TNR: variants seen among roughly 807,000 people sequenced by gnomAD.
The protein encoded by TNR is tenascin R.
Under a neutral mutation model 150.4 loss-of-function variants are expected in TNR, and 45 were observed. That is an observed-to-expected ratio of 0.30 (90% CI 0.24 to 0.38). The LOEUF is 0.38. TNR is among the 10% of genes least tolerant of loss of function. TNR has a pLI of 1.00. For synonymous variants in TNR, 687 were observed against 678.4 expected (o/e 1.01, Z -0.20); for missense variants, 1,544 against 1,759.1 (o/e 0.88, Z 2.19).
intron 1 of TNR, among the ~76,000 whole-genome samples, chr1:175,690,210 T>A (rs551706822): frequency 1.3e-5 from 2 of 152,342 alleles, no homozygotes; most frequent in South Asian, 2.1e-4. Flanking sequence ...AAATTTTGAT[T>A]TGAGTACCTA....
intron 1 of TNR, among the ~76,000 whole-genome samples, chr1:175,729,103 CTA>C (rs2101951527): frequency 6.6e-6 from 1 of 152,242 alleles, no homozygotes; most frequent in East Asian, 1.9e-4. Context: ...CCCTCATATC[CTA>C]TGTGTGGCTA....
At chr1:175,417,055 G>GAAAT (rs1232273551) in intron 2 of TNR, among the ~76,000 whole-genome samples, 4 of 103,812 alleles carry the variant, frequency 3.9e-5, no homozygotes, top group African/African-American at 1.3e-4. Context: ...AAGAAAGAAA[G>GAAAT]AAAGAAAGAA....
intron 2 of TNR, among the ~76,000 whole-genome samples, chr1:175,423,608 TG>T (rs970683507): frequency 3.9e-5 from 6 of 152,180 alleles, no homozygotes; most frequent in African/African-American, 1.2e-4. Context: ...CTGTGTTGTG[TG>T]GTCCCTGAAA....
At chr1:175,593,972 C>T (rs924390439) in intron 1 of TNR, among the ~76,000 whole-genome samples, 5 of 152,266 alleles carry the variant, frequency 3.3e-5, no homozygotes, top group Non-Finnish European at 2.9e-5. Context: ...CATAAAAAGC[C>T]ACATGGTAGA....
intron 2 of TNR, among the ~76,000 whole-genome samples, chr1:175,507,661 C>A (rs981760676): frequency 6.6e-6 from 1 of 152,190 alleles, no homozygotes; most frequent in Non-Finnish European, 1.5e-5. Flanking sequence ...CATGTTTTCC[C>A]ACCCAGCATA....
chr1:175,513,136 C>T (rs975770613), intron 2 of TNR, among the ~76,000 whole-genome samples: 1 of 152,202 alleles, frequency 6.6e-6, no homozygotes, highest in Admixed American at 6.5e-5. Context: ...TGGTGGATAA[C>T]ATGGTAATCC....
In TNR at chr1:175,403,529, C is replaced by A; in HGVS notation, c.587G>T (p.Gly196Val). The A allele has an allele frequency of 6.2e-7, 1 of 1,614,204 alleles. No individual in the cohort carries two copies. Among genetic ancestry groups the A allele is most frequent in the Non-Finnish European group, 8.5e-7 (1 of 1,180,036 alleles). The change falls in exon 4 of 23, where the codon GGC (glycine) becomes GTC (valine). Residue 196 changes from glycine to valine, a missense_variant. Physicochemically the swap from Gly to Val is moderately radical, Grantham distance 109. This residue lies in a region of TNR where 1,254 missense variants were observed against 1,329.4 expected (regional missense o/e 0.94). Transcript: ENST00000367674. ...GCAGTAGGGCTCCGAGCAATTCTTG[C>A]CAAACCAGCCTTCGTTGCAGATGCA... ...CGCICNEGWF[G>V]KNCSEPYCPL...
At chr1:175,692,071 C>T (rs538824150) in intron 1 of TNR, among the ~76,000 whole-genome samples, 1 of 152,310 alleles carries the variant, frequency 6.6e-6, no homozygotes, top group East Asian at 1.9e-4. Context: ...ACATACTTCA[C>T]AGTCAAAATG....
At chr1:175,437,719 A>G (rs1468353405) in intron 2 of TNR, among the ~76,000 whole-genome samples, 4 of 152,262 alleles carry the variant, frequency 2.6e-5, no homozygotes, top group Non-Finnish European at 5.9e-5. Context: ...CCACAGAAAT[A>G]CAAACTACCA....
At chr1:175,396,896 C>A (rs1466894070) in intron 4 of TNR, 89 bp from the exon 5 acceptor site, 1 of 1,508,550 alleles carries the variant, frequency 6.6e-7, no homozygotes. Context: ...TCTCACCCCC[C>A]ATGCCATGTC....
In TNR at chr1:175,404,247, G is replaced by A. The variant is rs114350808; in HGVS notation, c.500-631C>T. Among the ~76,000 whole-genome samples the A allele has an allele frequency of 4.3e-3, 661 of 152,264 alleles. 5 individuals are homozygous for A. The highest frequency in any genetic ancestry group is 0.015 in the African/African-American group (639 of 41,544). ...TTGTGAGGGACCTAAGGAGGTATAG[G>A]CTGAGCACTGAGTCCACTGTGCAGA... On this transcript the variant is annotated intron_variant, in intron 3 of 22. Transcript: ENST00000367674.
At chr1:175,437,942 C>T (rs1253443894) in intron 2 of TNR, among the ~76,000 whole-genome samples, 1 of 152,158 alleles carries the variant, frequency 6.6e-6, no homozygotes, top group Non-Finnish European at 1.5e-5. Flanking sequence ...TGAATTCTAC[C>T]AGAGGTACAA....
chr1:175,577,964 C>CCT (rs1662190655), intron 1 of TNR, among the ~76,000 whole-genome samples: 1 of 152,182 alleles, frequency 6.6e-6, no homozygotes, highest in South Asian at 2.1e-4. Context: ...CCTCCCTGAA[C>CCT]CTCGGCTTCC....
chr1:175,450,001 A>G (rs977922777), intron 2 of TNR, among the ~76,000 whole-genome samples: 1 of 152,060 alleles, frequency 6.6e-6, no homozygotes, highest in African/African-American at 2.4e-5. Context: ...CTGTCCCACC[A>G]TGCCTATTTT....
intron 1 of TNR, among the ~76,000 whole-genome samples, chr1:175,598,394 C>G (rs575056952): frequency 3.3e-5 from 5 of 152,252 alleles, no homozygotes; most frequent in African/African-American, 1.2e-4. Flanking sequence ...AACATAATAA[C>G]AAATCAACTC....
chr1:175,387,614 G>C (rs1365976218), intron 7 of TNR, among the ~76,000 whole-genome samples: 2 of 152,192 alleles, frequency 1.3e-5, no homozygotes, highest in Admixed American at 6.5e-5. Context: ...ATGCATTTCT[G>C]GTCCTGGGAT....
intron 1 of TNR, among the ~76,000 whole-genome samples, chr1:175,530,650 T>C (rs545629675): frequency 6.6e-6 from 1 of 152,322 alleles, no homozygotes; most frequent in Non-Finnish European, 1.5e-5. Flanking sequence ...ATTTTTCCTC[T>C]AATTTGTTTA....
intron 5 of TNR, 92 bp from the exon 6 acceptor site, chr1:175,393,987 G>A (rs1183817535): frequency 5.3e-5 from 54 of 1,010,864 alleles, no homozygotes; most frequent in South Asian, 8.0e-5. Context: ...CTCCCTCCAC[G>A]CCATGGGCGT....
intron 1 of TNR, among the ~76,000 whole-genome samples, chr1:175,551,614 T>C (rs1230656034): frequency 6.6e-6 from 1 of 152,192 alleles, no homozygotes; most frequent in South Asian, 2.1e-4. Context: ...GGAGTACCTA[T>C]TTGTTTTCAA....
Sources: allele counts gnomAD v4.1 joint callset (sites outside exome capture counted in the v4.1 genomes callset), GRCh38; gene constraint gnomAD v4.1.1; regional missense constraint gnomAD v4.1.1; transcripts MANE v1.5; gene names NCBI Gene and HGNC (gene_info 2026-07-23, HGNC 2026-07-21).